Variants in ALMS1 observed in about 807,000 individuals in gnomAD.
ALMS1 encodes the protein centrosome-associated protein ALMS1.
In ALMS1, 271 loss-of-function variants were observed where a neutral mutation model predicts 352.2. That is an observed-to-expected ratio of 0.77 (90% CI 0.70 to 0.85). The LOEUF (loss-of-function observed/expected upper bound fraction) is 0.85, where lower values mean the gene tolerates loss of function less well. ALMS1 is among the 40% of genes least tolerant of loss of function. ALMS1 has a pLI of 0.00. For synonymous variants in ALMS1, 1,865 were observed against 1,761.2 expected (o/e 1.06, Z -1.48); for missense variants, 5,445 against 4,870.7 (o/e 1.12, Z -3.51).
In ALMS1 at chr2:73,597,907, T is replaced by G. The variant is rs988736352; in HGVS notation, c.11548-1494T>G. Among the ~76,000 whole-genome samples the G allele has an allele frequency of 2.0e-5, 3 of 152,322 alleles. No homozygotes were observed. In the East Asian group the frequency reaches 5.8e-4, roughly 29 times the overall value. ...TCATTCCTGTTATTATTTGGGATCC[T>G]GACAGAGGCCCTCTCTCTGATGAGT... On this transcript the variant is annotated intron_variant, in intron 16 of 22. Transcript: ENST00000613296.
At chr2:73,394,992 A>G (rs559630772) in intron 1 of ALMS1, among the ~76,000 whole-genome samples, 9 of 122,024 alleles carry the variant, frequency 7.4e-5, no homozygotes, top group South Asian at 2.3e-4. Context: ...ATATATGTGT[A>G]TATATATATG....
chr2:73,527,663 T>C (rs1385822177), intron 11 of ALMS1, among the ~76,000 whole-genome samples: 1 of 152,138 alleles, frequency 6.6e-6, no homozygotes, highest in African/African-American at 2.4e-5. Flanking sequence ...TTTTTCTTAG[T>C]CTGGCTAAAG....
Position 73,452,139 on chromosome 2 carries a change from T to C in ALMS1, c.5612T>C (p.Val1871Ala). The change falls in exon 8 of 23, where the codon GTA becomes GCA. Residue 1871 changes from valine to alanine, a missense_variant. By Grantham distance (64) the Val-to-Ala change is moderately conservative (BLOSUM62 0). Coordinates refer to ENST00000613296, the MANE Select transcript of ALMS1 (RefSeq NM_001378454.1). ...CAGGAGTTGCCAGATCTTACTGAAG[T>C]AACTTTGAAAGCAATAGGGGTTCCT... ...YEQELPDLTEVTLKAIGVPGP... is the reference protein window; with the variant it reads ...YEQELPDLTEATLKAIGVPGP... The C allele has an allele frequency of 6.8e-6, 11 of 1,607,850 alleles. No individual in the cohort carries two copies. Among genetic ancestry groups the C allele is most frequent in the Non-Finnish European group, 8.5e-6 (10 of 1,176,322 alleles).
chr2:73,484,861 T>C (rs934840623), intron 9 of ALMS1, among the ~76,000 whole-genome samples: 2 of 152,238 alleles, frequency 1.3e-5, no homozygotes, highest in African/African-American at 2.4e-5. Context: ...TTCCAGTTGA[T>C]GGCATCGGCT....
In ALMS1 at chr2:73,490,204, G is replaced by T; in HGVS notation, c.8245G>T (p.Val2749Leu). 2 of 1,614,122 alleles carry T rather than the reference G, an allele frequency of 1.2e-6. No individual in the cohort carries two copies. Among genetic ancestry groups the T allele is most frequent in the South Asian group, 1.1e-5 (1 of 91,080 alleles). ...GSQCTGASVG[V>L]FNSHFTEEQN... ...CCAGTGTACTGGAGCATCTGTGGGG[G>T]TATTTAATTCTCATTTCACTGAAGA... Residue 2749 changes from valine (V) to leucine (L), a missense_variant, in exon 10 of 23, where the codon GTA becomes TTA. Coordinates refer to ENST00000613296, the MANE Select transcript of ALMS1 (RefSeq NM_001378454.1).
Position 73,609,847 on chromosome 2 carries a change from T to A in ALMS1, c.*235T>A. ...TGGCCTGTGTGTTACAATGATATGA[T>A]CATTTCTCAAGAATAAGTCCCTTTT... is the stretch of plus-strand genomic sequence containing the variant. On this transcript the variant is annotated 3_prime_UTR_variant, in exon 23 of 23. Coordinates refer to ENST00000613296, the MANE Select transcript of ALMS1 (RefSeq NM_001378454.1). The A allele has an allele frequency of 1.9e-6, 1 of 522,402 alleles. No homozygotes were observed. Among genetic ancestry groups the A allele is most frequent in the East Asian group, 3.4e-5 (1 of 29,696 alleles). The allele number at this position is 522,402 out of a possible 1,614,324, so 32.4% of individuals were successfully genotyped here.
chr2:73,497,837 G>T (rs943426219), intron 10 of ALMS1, among the ~76,000 whole-genome samples: 16 of 152,096 alleles, frequency 1.1e-4, no homozygotes, highest in Non-Finnish European at 2.4e-4. Context: ...AAATTGTGCT[G>T]CTGTACAAGT....
At chr2:73,385,815 C>CCCCT (rs969372310), upstream of ALMS1, 2 of 679,416 alleles carry the variant, frequency 2.9e-6, no homozygotes, top group Non-Finnish European at 5.3e-6. Flanking sequence ...CTCTCCCCTT[C>CCCCT]CCCTCCCTCC....
chr2:73,493,102 A>G (rs1458224516), intron 10 of ALMS1, among the ~76,000 whole-genome samples: 1 of 152,206 alleles, frequency 6.6e-6, no homozygotes, highest in African/African-American at 2.4e-5. Flanking sequence ...ATGAGAAGAA[A>G]GTAATAGATG....
chr2:73,603,378 AC>A, intron 21 of ALMS1, 74 bp downstream of exon 21: 2 of 1,346,372 alleles, frequency 1.5e-6, no homozygotes, highest in Non-Finnish European at 2.1e-6. Context: ...TCTGGCTTGC[AC>A]CCAGAATAAA....
At chr2:73,559,746 AT>A (rs1674619513) in intron 15 of ALMS1, among the ~76,000 whole-genome samples, 1 of 152,002 alleles carries the variant, frequency 6.6e-6, no homozygotes, top group South Asian at 2.1e-4. Flanking sequence ...AAAATAAATG[AT>A]TTTTTGACAA....
chr2:73,508,679 G>A (rs1673387528), intron 10 of ALMS1, among the ~76,000 whole-genome samples: 1 of 152,108 alleles, frequency 6.6e-6, no homozygotes, highest in Non-Finnish European at 1.5e-5. Context: ...GTTGATTTGG[G>A]GTGTAGAGTT....
chr2:73,489,538 T>A, intron 9 of ALMS1, 96 bp from the exon 10 acceptor site: 1 of 1,402,792 alleles, frequency 7.1e-7, no homozygotes, highest in Non-Finnish European at 1.0e-6. Context: ...CATGGTCTAA[T>A]CTTAGCGTGG....
At position 73,452,598 on chromosome 2, in the gene ALMS1, A is replaced by G. The variant is rs369339997; in HGVS notation, c.6071A>G (p.Lys2024Arg). ...CTTAGTTCCTACTCACAAATAGAGA[A>G]GCCCAAGATTTCAACTGTGATTGGA... ...ATLSSYSQIE[K>R]PKISTVIGPN... Residue 2024 changes from lysine (K) to arginine (R), a missense_variant, in exon 8 of 23, where the codon AAG (lysine) becomes AGG (arginine). Physicochemically the swap from Lys to Arg is conservative, Grantham distance 26. Transcript: ENST00000613296. 7.4e-6 allele frequency: 12 copies of G among 1,614,012 alleles called. No individual in the cohort carries two copies. Among genetic ancestry groups the G allele is most frequent in the Middle Eastern group, 3.3e-4 (2 of 6,084 alleles).
intron 14 of ALMS1, among the ~76,000 whole-genome samples, chr2:73,558,724 C>T (rs1674594410): frequency 6.6e-6 from 1 of 152,064 alleles, no homozygotes; most frequent in African/African-American, 2.4e-5. Flanking sequence ...TATGGTACTC[C>T]CACCTGCAAT....
chr2:73,562,942 A>G (rs1302261976), intron 15 of ALMS1, among the ~76,000 whole-genome samples: 1 of 152,084 alleles, frequency 6.6e-6, no homozygotes, highest in Non-Finnish European at 1.5e-5. Flanking sequence ...TTAAACTATA[A>G]AACATCCAAA....
chr2:73,439,159 C>T lies in ALMS1; in HGVS notation c.1432+6868C>T, dbSNP rs189032680. The stretch of plus-strand genomic sequence containing the variant: ...ATAAAGATAAAGTCTCACTCTGTTG[C>T]CCAGGCTGGAGTGCAGTGATATGAT... On this transcript the variant is annotated intron_variant, in intron 7 of 22. Transcript: ENST00000613296. 2.7e-3 allele frequency among the ~76,000 whole-genome samples: 392 copies of T among 147,378 alleles called. 1 individual carries two copies. The highest frequency in any genetic ancestry group is 8.7e-3 in the African/African-American group (340 of 39,074).
At chr2:73,413,786 A>G (rs1671126219) in intron 2 of ALMS1, among the ~76,000 whole-genome samples, 1 of 152,214 alleles carries the variant, frequency 6.6e-6, no homozygotes, top group Non-Finnish European at 1.5e-5. Flanking sequence ...TTGTTATTCT[A>G]GCACCATTTG....
chr2:73,609,420 A>G, intron 22 of ALMS1, 148 bp from the exon 23 acceptor site: 2 of 756,314 alleles, frequency 2.6e-6, no homozygotes, highest in South Asian at 1.5e-5. Context: ...TTATATGACG[A>G]CCATAGTTTC....
Sources: allele counts gnomAD v4.1 joint callset (sites outside exome capture counted in the v4.1 genomes callset), GRCh38; gene constraint gnomAD v4.1.1; transcripts MANE v1.5; gene names NCBI Gene and HGNC (gene_info 2026-07-23, HGNC 2026-07-21).